Variants in NEO1 observed in about 807,000 individuals in gnomAD.
NEO1 encodes neogenin 1.
A neutral mutation model predicts 159.7 loss-of-function variants in NEO1; 63 were observed. The observed-to-expected ratio is 0.39, with a 90% CI of 0.32 to 0.49. The LOEUF (loss-of-function observed/expected upper bound fraction) is 0.49, where lower values mean the gene tolerates loss of function less well. Ranked by LOEUF, NEO1 falls within the 20% of genes least tolerant of loss-of-function variation. The pLI is 0.85. For missense variants in NEO1, 1,615 were observed against 1,831.0 expected (o/e 0.88, Z 2.15); for synonymous variants, 633 against 662.0 (o/e 0.96, Z 0.67).
intron 1 of NEO1, among the ~76,000 whole-genome samples, chr15:73,093,366 A>G (rs1257657929): frequency 6.6e-6 from 1 of 152,136 alleles, no homozygotes; most frequent in African/African-American, 2.4e-5. Flanking sequence ...GGAGTGGGGA[A>G]TTATGTTCTC....
chr15:73,239,802 A>G (rs2039398486), intron 8 of NEO1, among the ~76,000 whole-genome samples: 1 of 152,234 alleles, frequency 6.6e-6, no homozygotes, highest in African/African-American at 2.4e-5. Flanking sequence ...GTTGTTAAGC[A>G]GTGCATGACT....
At chr15:73,188,833 C>A (rs867156524) in intron 7 of NEO1, among the ~76,000 whole-genome samples, 1 of 152,162 alleles carries the variant, frequency 6.6e-6, no homozygotes, top group Non-Finnish European at 1.5e-5. Flanking sequence ...TGCAGTGGCT[C>A]ACCCCTGTAA....
At position 73,062,902 on chromosome 15, in the gene NEO1, G is replaced by T. The variant is rs2068044772; in HGVS notation, c.130+10097G>T. Among the ~76,000 whole-genome samples, 2 of 152,154 alleles carry T rather than the reference G, an allele frequency of 1.3e-5. 1 individual carries two copies. The highest frequency in any genetic ancestry group is 4.1e-4 in the South Asian group (2 of 4,826). ...CTAGGCTAGAAACGTAGGCTCACAG[G>T]TTATCTGATAGAGATGATAGTTCAA... is the stretch of plus-strand genomic sequence containing the variant. On this transcript the variant is annotated intron_variant, in intron 1 of 28. Coordinates refer to ENST00000261908, the MANE Select transcript of NEO1 (RefSeq NM_002499.4).
At chr15:73,122,946 G>GAGA in intron 3 of NEO1, 146 bp downstream of exon 3, 3 of 957,628 alleles carry the variant, frequency 3.1e-6, no homozygotes, top group Non-Finnish European at 4.6e-6. Context: ...GAAGCGGGTG[G>GAGA]ATCACCTGAG....
intron 7 of NEO1, chr15:73,222,090 A>ACTTTT (rs1205649091): frequency 2.0e-5 from 1 of 49,660 alleles, no homozygotes; most frequent in Non-Finnish European, 4.9e-5. Context: ...CCCTGTTGGT[A>ACTTTT]ATTTTTTTTT....
At chr15:73,302,513 A>G (rs2042660509) in intron 28 of NEO1, 100 bp from the exon 29 acceptor site, 3 of 1,081,494 alleles carry the variant, frequency 2.8e-6, no homozygotes, top group Non-Finnish European at 4.1e-6. Context: ...TTCTGGGGCC[A>G]TTTGACTACT....
intron 1 of NEO1, among the ~76,000 whole-genome samples, chr15:73,104,773 AC>A (rs1212911239): frequency 6.6e-6 from 1 of 152,180 alleles, no homozygotes; most frequent in African/African-American, 2.4e-5. Flanking sequence ...CACAAAACTT[AC>A]AGTAATGGTG....
rs1289239830 is a variant in NEO1, at chr15:73,297,550, A to G, written c.3902-798A>G. Among the ~76,000 whole-genome samples, 7 of 152,216 alleles carry G rather than the reference A, an allele frequency of 4.6e-5. No individual in the cohort carries two copies. The East Asian group carries it at 7.7e-4, about 17-fold the overall frequency. ...TCAGAGATATTCAGTGACTTTGTCA[A>G]ATTCACCCAGCTAGTACACAAAGAT... On this transcript the variant is annotated intron_variant, in intron 26 of 28. Transcript: ENST00000261908.
chr15:73,223,493 T>C (rs980573582), intron 7 of NEO1, among the ~76,000 whole-genome samples: 3 of 152,234 alleles, frequency 2.0e-5, no homozygotes, highest in African/African-American at 7.2e-5. Flanking sequence ...TTTAGGATTG[T>C]GATATTTTCC....
intron 22 of NEO1, among the ~76,000 whole-genome samples, chr15:73,281,049 CA>C (rs905261228): frequency 4.0e-5 from 6 of 148,794 alleles, no homozygotes; most frequent in African/African-American, 1.2e-4. Flanking sequence ...ACTAAAAATA[CA>C]AAAAAAAATT....
intron 7 of NEO1, among the ~76,000 whole-genome samples, chr15:73,235,008 A>C (rs945266455): frequency 6.6e-6 from 1 of 152,216 alleles, no homozygotes; most frequent in Admixed American, 6.5e-5. Flanking sequence ...AGAGAGCCAG[A>C]GTGCCATATG....
intron 22 of NEO1, 124 bp from the exon 23 acceptor site, chr15:73,282,840 A>T: frequency 8.4e-7 from 1 of 1,185,250 alleles, no homozygotes; most frequent in Non-Finnish European, 1.2e-6. Flanking sequence ...CGGCACTTTT[A>T]TATAAGTCAG....
chr15:73,263,725 T>C (rs1279970880), intron 15 of NEO1, among the ~76,000 whole-genome samples: 2 of 152,180 alleles, frequency 1.3e-5, no homozygotes, highest in Non-Finnish European at 2.9e-5. Context: ...AGAGTTATAT[T>C]CATCCTTTCT....
intron 7 of NEO1, among the ~76,000 whole-genome samples, chr15:73,217,480 G>T (rs1003410826): frequency 1.3e-5 from 2 of 151,996 alleles, no homozygotes; most frequent in Admixed American, 6.6e-5. Context: ...GTCATTGGTA[G>T]CTTGATGGGG....
At chr15:73,253,572 C>A in intron 12 of NEO1, 123 bp downstream of exon 12, 2 of 591,060 alleles carry the variant, frequency 3.4e-6, no homozygotes, top group Non-Finnish European at 2.8e-6. Flanking sequence ...TGGTAATAAT[C>A]TGCATTTAAA....
At position 73,070,598 on chromosome 15, in the gene NEO1, G is replaced by A. The variant is rs1024912579; in HGVS notation, c.130+17793G>A. Among the ~76,000 whole-genome samples, 83 of 152,170 alleles carry A rather than the reference G, an allele frequency of 5.5e-4. 4 individuals are homozygous for A. The highest frequency in any genetic ancestry group is 2.9e-5 in the Non-Finnish European group (2 of 68,030). ...CAGTAGTCCCCCCTTATCCATGGGAGATACATTCCAAGATCCTAGTATACG... is the reference window on the plus strand; with the variant it reads ...CAGTAGTCCCCCCTTATCCATGGGAAATACATTCCAAGATCCTAGTATACG... On this transcript the variant is annotated intron_variant, in intron 1 of 28. Transcript: ENST00000261908.
At chr15:73,171,585 G>A (rs932176243) in intron 5 of NEO1, among the ~76,000 whole-genome samples, 5 of 150,604 alleles carry the variant, frequency 3.3e-5, no homozygotes, top group African/African-American at 9.8e-5. Context: ...TGTGAATACC[G>A]ACTGGGTAAT....
chr15:73,244,749 T>C (rs1398775301), intron 9 of NEO1, among the ~76,000 whole-genome samples: 6 of 151,772 alleles, frequency 4.0e-5, no homozygotes, highest in African/African-American at 7.2e-5. Flanking sequence ...TCAGGTTTTT[T>C]AGACCAGCCT....
intron 8 of NEO1, among the ~76,000 whole-genome samples, chr15:73,242,889 G>T (rs1055408678): frequency 2.2e-4 from 33 of 152,100 alleles, no homozygotes; most frequent in African/African-American, 5.8e-4. Flanking sequence ...AACTTCTGTT[G>T]AAAAATATCC....
Sources: gnomAD v4.1 joint callset for allele counts (sites outside exome capture counted in the v4.1 genomes callset) on GRCh38, gnomAD v4.1.1 for gene constraint, MANE v1.5 for transcripts, NCBI Gene and HGNC (gene_info 2026-07-23, HGNC 2026-07-21) for gene names.